BCO1: variants seen among roughly 807,000 people sequenced by gnomAD.
BCO1 encodes beta-carotene oxygenase 1.
Under a neutral mutation model 56.3 loss-of-function variants are expected in BCO1, and 54 were observed. The observed-to-expected ratio is 0.96, with a 90% CI of 0.77 to 1.20. The LOEUF (loss-of-function observed/expected upper bound fraction) is 1.20, where lower values mean the gene tolerates loss of function less well. Ranked by LOEUF, BCO1 falls within the 50% of genes most tolerant of loss-of-function variation. The pLI, the probability that BCO1 is intolerant of heterozygous loss-of-function variation, is 0.00. For missense variants in BCO1, 801 were observed against 690.9 expected, an observed-to-expected ratio of 1.16 and a Z score of -1.79; for synonymous variants, 318 against 266.1, an observed-to-expected ratio of 1.20 and a Z score of -1.90.
chr16:81,238,990 C>T lies in BCO1; in HGVS notation c.64+18C>T. ...AGTGACAGGTGAGCATTCTGATAAA[C>T]ACTGGGCTCTTTCTTCTATTTATTT... On this transcript the variant is annotated intron_variant, in intron 1 of 10. Transcript: ENST00000258168. The T allele has an allele frequency of 6.2e-7, 1 of 1,606,542 alleles. No homozygotes were observed. Among genetic ancestry groups the T allele is most frequent in the Non-Finnish European group, 8.5e-7 (1 of 1,173,744 alleles).
chr16:81,256,838 A>G (rs138522206), intron 2 of BCO1, among the ~76,000 whole-genome samples: 1 of 152,286 alleles, frequency 6.6e-6, no homozygotes, highest in African/African-American at 2.4e-5. Flanking sequence ...CAGTGAGCCA[A>G]GATCGTACCA....
intron 5 of BCO1, among the ~76,000 whole-genome samples, chr16:81,265,013 G>A (rs559256702): frequency 6.6e-6 from 1 of 152,070 alleles, no homozygotes; most frequent in South Asian, 2.1e-4. Flanking sequence ...TTTTATTTAG[G>A]CTCCAGTTTA....
chr16:81,288,158 T>A (rs930098872), intron 10 of BCO1, among the ~76,000 whole-genome samples: 1 of 152,052 alleles, frequency 6.6e-6, no homozygotes, highest in Admixed American at 6.6e-5. Context: ...TTTAGACAAG[T>A]TTAAGTTTTT....
rs113096746 is a variant in BCO1 at position 81,261,778 on chromosome 16, T to G, written c.324-358T>G. 476 of 265,076 alleles carry G rather than the reference T, an allele frequency of 1.8e-3. 4 individuals are homozygous for G. Among genetic ancestry groups the G allele is most frequent in the African/African-American group, 9.7e-3 (435 of 44,966 alleles). The allele number at this position is 265,076 out of a possible 1,614,324, so 16.4% of individuals were successfully genotyped here. A position where few individuals can be genotyped will look rare whatever the true frequency, so the allele number is the denominator to read the frequency against. On this transcript the variant is annotated intron_variant, in intron 3 of 10. Coordinates refer to ENST00000258168, the MANE Select transcript of BCO1 (RefSeq NM_017429.3). ...TTTCTTTGAGACAGAGTCTCGCTCTTTCGCCCAGGCTGGAGTGTAGTGGCG... is the reference window on the plus strand; with the variant it reads ...TTTCTTTGAGACAGAGTCTCGCTCTGTCGCCCAGGCTGGAGTGTAGTGGCG...
intron 3 of BCO1, 136 bp downstream of exon 3, chr16:81,259,941 G>A (rs1906382456): frequency 4.6e-6 from 5 of 1,083,158 alleles, no homozygotes; most frequent in South Asian, 2.6e-5. Flanking sequence ...TTAACCAGAG[G>A]TGCTACACAG....
chr16:81,262,027 G>A, intron 3 of BCO1, 109 bp from the exon 4 acceptor site: 1 of 1,373,932 alleles, frequency 7.3e-7, no homozygotes, highest in Non-Finnish European at 1.0e-6. Context: ...CAGGCACCCG[G>A]CCGAAGTAAA....
chr16:81,240,781 G>C (rs1905072999), intron 1 of BCO1, among the ~76,000 whole-genome samples: 1 of 151,666 alleles, frequency 6.6e-6, no homozygotes, highest in Non-Finnish European at 1.5e-5. Context: ...TTATTATTTG[G>C]TTGGTGCAAA....
At chr16:81,252,536 G>A (rs149470758) in intron 2 of BCO1, among the ~76,000 whole-genome samples, 4,039 of 152,232 alleles carry the variant, frequency 0.027, 191 homozygotes, top group African/African-American at 0.093. Context: ...GATTATAGGC[G>A]TGAGCCACAG....
chr16:81,252,425 T>G (rs2151931012), intron 2 of BCO1, among the ~76,000 whole-genome samples: 1 of 152,208 alleles, frequency 6.6e-6, no homozygotes, highest in South Asian at 2.1e-4. Flanking sequence ...CCAGCTAATT[T>G]TTATATTTTC....
At chr16:81,259,565 C>A in intron 2 of BCO1, 111 bp from the exon 3 acceptor site, 1 of 1,285,522 alleles carries the variant, frequency 7.8e-7, no homozygotes, top group Non-Finnish European at 1.1e-6. Flanking sequence ...GGAGCTTGTC[C>A]TAGTGAAATA....
chr16:81,266,228 G>A (rs934496949), intron 5 of BCO1, among the ~76,000 whole-genome samples: 1 of 152,194 alleles, frequency 6.6e-6, no homozygotes, highest in Non-Finnish European at 1.5e-5. Context: ...TCCATGTGGG[G>A]CTGGGATCTT....
chr16:81,239,471 A>G (rs1471903561), intron 1 of BCO1, among the ~76,000 whole-genome samples: 1 of 152,174 alleles, frequency 6.6e-6, no homozygotes, highest in African/African-American at 2.4e-5. Context: ...CTCCGTTTGC[A>G]AAGGGAGGAG....
intron 7 of BCO1, among the ~76,000 whole-genome samples, chr16:81,273,757 T>C (rs750621964): frequency 6.0e-5 from 9 of 151,234 alleles, no homozygotes; most frequent in Admixed American, 2.0e-4. Context: ...AGCATGAGAA[T>C]AAAATAGTGG....
In BCO1 at chr16:81,244,717, C is replaced by CTTTTT. The variant is rs55904406; in HGVS notation, c.65-743_65-739dup. On this transcript the variant is annotated intron_variant, in intron 1 of 10. Coordinates refer to ENST00000258168, the MANE Select transcript of BCO1 (RefSeq NM_017429.3). The stretch of plus-strand genomic sequence containing the variant: ...TCTACGTCTGTAGCGTTGCCCCTAT[C>CTTTTT]TTTTTTTTTTTTTTTTTTTAATTTT... Among the ~76,000 whole-genome samples, 546 of 129,154 alleles carry CTTTTT rather than the reference C, an allele frequency of 4.2e-3. 2 individuals are homozygous for CTTTTT. The highest frequency in any genetic ancestry group is 0.015 in the African/African-American group (500 of 33,678). The allele number at this position is 129,154 out of a possible 152,430, so 84.7% of individuals were successfully genotyped here.
Position 81,262,139 on chromosome 16 carries a change from T to C in BCO1, c.327T>C (p.Ala109=). The C allele has an allele frequency of 6.2e-7, 1 of 1,613,798 alleles. No individual in the cohort carries two copies. The highest frequency in any genetic ancestry group is 8.5e-7 in the Non-Finnish European group (1 of 1,179,952). The change falls in exon 4 of 11, where the codon GCT becomes GCC. Residue 109 remains alanine (A), a synonymous_variant. Coordinates refer to ENST00000258168, the MANE Select transcript of BCO1 (RefSeq NM_017429.3). ...GTTGATTTGCTTTTCTCCCCAGAGC[T>C]TTCTCCTACTTGTCTCACACCATCC... is the stretch of plus-strand genomic sequence containing the variant. ...PDPCKNIFSK[A]FSYLSHTIPD... is the part of the protein sequence containing the mutation.
At chr16:81,267,887 G>C (rs1399650001) in intron 5 of BCO1, 21 bp from the exon 6 acceptor site, 3 of 1,609,774 alleles carry the variant, frequency 1.9e-6, no homozygotes, top group South Asian at 2.2e-5. Context: ...AATTCCTGAG[G>C]CTTGCTTTTT....
In BCO1 at chr16:81,285,640, G is replaced by T. The variant is rs568526377; in HGVS notation, c.1302+6G>T. ...GGAGTCCAATCCCAACCAAGGTACT[G>T]GTCTCTGTGTATTCACAAGCCTTTC... is the stretch of plus-strand genomic sequence containing the variant. On this transcript the variant is annotated splice_donor_region_variant and intron_variant, in intron 9 of 10. Coordinates refer to ENST00000258168, the MANE Select transcript of BCO1 (RefSeq NM_017429.3). 1 of 1,579,628 alleles carries T rather than the reference G, an allele frequency of 6.3e-7. No homozygotes were observed. The highest frequency in any genetic ancestry group is 1.7e-5 in the Admixed American group (1 of 59,976).
chr16:81,279,963 A>T (rs7500488), intron 7 of BCO1, among the ~76,000 whole-genome samples: 72,275 of 151,976 alleles, frequency 0.48, 18,052 homozygotes, highest in East Asian at 0.76. Flanking sequence ...TTGTATTTTT[A>T]ATATTTAGTA....
Position 81,280,969 on chromosome 16 carries a change from T to C in BCO1, c.1207+7T>C. 1 of 1,598,700 alleles carries C rather than the reference T, an allele frequency of 6.3e-7. No homozygotes were observed. Among genetic ancestry groups the C allele is most frequent in the Non-Finnish European group, 8.6e-7 (1 of 1,166,058 alleles). ...CCGGAATTTCTTTATGAAGGTAAAA[T>C]GCATCCTCTTGTCCTGAGTTTAGGA... On this transcript the variant is annotated splice_region_variant and intron_variant, in intron 8 of 10. Transcript: ENST00000258168.
Sources: gnomAD v4.1 joint callset for allele counts (sites outside exome capture counted in the v4.1 genomes callset) on GRCh38, gnomAD v4.1.1 for gene constraint, MANE v1.5 for transcripts, NCBI Gene and HGNC (gene_info 2026-07-23, HGNC 2026-07-21) for gene names.